Variants in TSHZ1 observed in about 807,000 individuals in gnomAD.
The protein encoded by TSHZ1 is teashirt homolog 1.
Under a neutral mutation model 67.1 loss-of-function variants are expected in TSHZ1, and 12 were observed. That is an observed-to-expected ratio of 0.18 (90% CI 0.11 to 0.29). The LOEUF (loss-of-function observed/expected upper bound fraction) is 0.29, where lower values mean the gene tolerates loss of function less well. TSHZ1 is among the 10% of genes least tolerant of loss of function. The pLI, the probability that TSHZ1 is intolerant of heterozygous loss-of-function variation, is 1.00. For synonymous variants in TSHZ1, 632 were observed against 622.4 expected (o/e 1.02, Z -0.23); for missense variants, 1,305 against 1,413.9 (o/e 0.92, Z 1.23).
intron 1 of TSHZ1, among the ~76,000 whole-genome samples, chr18:75,262,388 T>C (rs1244836878): frequency 6.6e-6 from 1 of 152,072 alleles, no homozygotes; most frequent in African/African-American, 2.4e-5. Context: ...ATATTTTTTC[T>C]TTTATTTATT....
In TSHZ1 at chr18:75,271,839, T is replaced by G. The variant is rs950916203; in HGVS notation, c.41-13609T>G. Among the ~76,000 whole-genome samples the G allele has an allele frequency of 3.3e-5, 5 of 152,170 alleles. No homozygotes were observed. The South Asian group carries it at 1.0e-3, about 32-fold the overall frequency. Reference sequence around the variant, plus strand: ...AATGAGTCCAACTAGCCTGGGAATTTCCACGAAGAAAGAAAGTGAAATGCT... The same window carrying G: ...AATGAGTCCAACTAGCCTGGGAATTGCCACGAAGAAAGAAAGTGAAATGCT... On this transcript the variant is annotated intron_variant, in intron 1 of 1. Transcript: ENST00000580243.
At chr18:75,222,623 C>T (rs1036989716) in intron 1 of TSHZ1, among the ~76,000 whole-genome samples, 5 of 152,060 alleles carry the variant, frequency 3.3e-5, no homozygotes, top group Non-Finnish European at 4.4e-5. Context: ...AGGGGGTTTT[C>T]GTCCTCCTCC....
chr18:75,286,141 A>C lies in TSHZ1; in HGVS notation c.734A>C (p.Lys245Thr). The C allele has an allele frequency of 6.2e-7, 1 of 1,613,424 alleles. No individual in the cohort carries two copies. ...LYGSVFTGAS[K>T]FRCKDCSAAY... ...GGCTCCGTCTTCACGGGCGCCAGCA[A>C]GTTCCGGTGCAAAGACTGCAGTGCC... Residue 245 changes from lysine (K) to threonine (T), a missense_variant, in exon 2 of 2, where the codon AAG becomes ACG. Around this residue, in one of 3 missense-constraint regions of TSHZ1, gnomAD observed 358 missense variants for 375.6 expected, o/e 0.95. Transcript: ENST00000580243. This position sits in a 1 kb window ranked among gnomAD's most constrained non-coding sequence, Gnocchi z 5.1.
In TSHZ1 at chr18:75,281,482, A is replaced by G. The variant is rs992695309; in HGVS notation, c.41-3966A>G. On this transcript the variant is annotated intron_variant, in intron 1 of 1. Coordinates refer to ENST00000580243, the MANE Select transcript of TSHZ1 (RefSeq NM_001308210.2). This position sits in a 1 kb window ranked among gnomAD's most constrained non-coding sequence, Gnocchi z 5.3. ...GTGGCAGAACAGTGGGGCTCCTTCC[A>G]CGGGCCCTACATGGGGCCAGGCCCT... Among the ~76,000 whole-genome samples, 6 of 152,148 alleles carry G rather than the reference A, an allele frequency of 3.9e-5. No homozygotes were observed. The highest frequency in any genetic ancestry group is 1.4e-4 in the African/African-American group (6 of 41,446).
intron 1 of TSHZ1, among the ~76,000 whole-genome samples, chr18:75,265,202 G>T (rs9963264): frequency 0.011 from 1,732 of 152,294 alleles, 17 homozygotes; most frequent in Middle Eastern, 0.054. Context: ...ACTTTTAAGA[G>T]AAATTTGTCT....
At chr18:75,249,357 G>A (rs900947220) in intron 1 of TSHZ1, among the ~76,000 whole-genome samples, 15 of 152,070 alleles carry the variant, frequency 9.9e-5, no homozygotes, top group Admixed American at 3.3e-4. Context: ...GTGGCGGGTG[G>A]GGGCAGCTGG....
intron 1 of TSHZ1, among the ~76,000 whole-genome samples, chr18:75,239,318 A>C (rs2023124176): frequency 6.6e-6 from 1 of 152,228 alleles, no homozygotes; most frequent in African/African-American, 2.4e-5. Flanking sequence ...ATTTTGATTA[A>C]AATCTCAGGG....
chr18:75,283,706 CATT>C (rs766261013), intron 1 of TSHZ1: 4 of 152,298 alleles, frequency 2.6e-5, no homozygotes, highest in South Asian at 2.1e-4. Flanking sequence ...AGTCGTCTCT[CATT>C]GTGTGTGTGT....
In TSHZ1 at chr18:75,285,622, C is replaced by A. The variant is rs1272273907; in HGVS notation, c.215C>A (p.Ala72Asp). The A allele has an allele frequency of 6.2e-7, 1 of 1,613,204 alleles. No homozygotes were observed. Among genetic ancestry groups the A allele is most frequent in the Non-Finnish European group, 8.5e-7 (1 of 1,179,522 alleles). The change falls in exon 2 of 2, where the codon GCC (alanine) becomes GAC (aspartate). Residue 72 changes from alanine to aspartate, a missense_variant. Ala to Asp is a moderately radical substitution (Grantham distance 126). This residue lies in a region of TSHZ1 where 358 missense variants were observed against 375.6 expected (regional missense o/e 0.95). Transcript: ENST00000580243. Reference sequence around the variant, plus strand: ...GTCAGCTCTGCGACTAACCAGGACGCCGGCTACGGGTCGCCCTTCAGTGAG... The same window carrying A: ...GTCAGCTCTGCGACTAACCAGGACGACGGCTACGGGTCGCCCTTCAGTGAG... Reference protein sequence around the residue: ...SPVSSATNQDAGYGSPFSESS... With the variant: ...SPVSSATNQDDGYGSPFSESS...
At chr18:75,217,588 C>T (rs770796618) in intron 1 of TSHZ1, among the ~76,000 whole-genome samples, 20 of 152,160 alleles carry the variant, frequency 1.3e-4, no homozygotes, top group Non-Finnish European at 2.6e-4. Context: ...ACCAGGTTTT[C>T]TTTTTGGAGA....
At chr18:75,232,627 G>A (rs924023393) in intron 1 of TSHZ1, among the ~76,000 whole-genome samples, 62 of 152,140 alleles carry the variant, frequency 4.1e-4, no homozygotes, top group African/African-American at 1.4e-3. Flanking sequence ...CTTTTCAGGC[G>A]CCAGTTCTAT....
chr18:75,261,139 T>C (rs1177639392), intron 1 of TSHZ1, among the ~76,000 whole-genome samples: 2 of 151,720 alleles, frequency 1.3e-5, no homozygotes, highest in African/African-American at 4.8e-5. Context: ...GACCTGAGTG[T>C]TGACAAACAA....
Position 75,287,438 on chromosome 18 carries a change from T to C in TSHZ1, c.2031T>C (p.Asn677=), listed in dbSNP as rs561723412. The change falls in exon 2 of 2, where the codon AAT becomes AAC. Residue 677 remains asparagine (N), a synonymous_variant. Transcript: ENST00000580243. The surrounding 1 kb of genome is among the most constrained non-coding windows in gnomAD (Gnocchi z 5.0). ...CTGCGTCCCCCATAGCAAAAGAGAA[T>C]AAAGATTTCCCGAAAACGGAGGAAG... ...AKAASPIAKE[N]KDFPKTEEVS... 2 of 1,613,944 alleles carry C rather than the reference T, an allele frequency of 1.2e-6. No individual in the cohort carries two copies. Among genetic ancestry groups the C allele is most frequent in the South Asian group, 1.1e-5 (1 of 91,068 alleles).
chr18:75,218,245 A>G (rs186993159), intron 1 of TSHZ1, among the ~76,000 whole-genome samples: 7 of 152,332 alleles, frequency 4.6e-5, no homozygotes, highest in African/African-American at 1.4e-4. Context: ...GACTGCTGCC[A>G]TTATCTTGAC....
intron 1 of TSHZ1, among the ~76,000 whole-genome samples, chr18:75,232,864 A>G (rs1488282098): frequency 2.0e-5 from 3 of 152,248 alleles, no homozygotes; most frequent in Non-Finnish European, 4.4e-5. Context: ...AATAGTCACA[A>G]TACTTGGGTG....
intron 1 of TSHZ1, among the ~76,000 whole-genome samples, chr18:75,235,240 T>C (rs1568355796): frequency 1.3e-5 from 2 of 152,200 alleles, no homozygotes; most frequent in Admixed American, 6.5e-5. Flanking sequence ...TTTAATCCCC[T>C]TGGTTTCCTG....
At chr18:75,218,844 A>G (rs1428867490) in intron 1 of TSHZ1, among the ~76,000 whole-genome samples, 1 of 152,256 alleles carries the variant, frequency 6.6e-6, no homozygotes, top group African/African-American at 2.4e-5. Flanking sequence ...CCCAGACCCT[A>G]CCTGACCACA....
chr18:75,225,868 G>C (rs974515380), intron 1 of TSHZ1, among the ~76,000 whole-genome samples: 9 of 152,284 alleles, frequency 5.9e-5, no homozygotes, highest in Non-Finnish European at 1.0e-4. Context: ...GGAGCCAAAA[G>C]AGAGCCACTT....
intron 1 of TSHZ1, 86 bp downstream of exon 1, chr18:75,212,002 G>A: frequency 1.9e-6 from 2 of 1,043,182 alleles, no homozygotes; most frequent in Non-Finnish European, 2.4e-6. Context: ...TGCGGGACGT[G>A]GGCCGCGGGC....
Sources: allele counts gnomAD v4.1 joint callset (sites outside exome capture counted in the v4.1 genomes callset), GRCh38; gene constraint gnomAD v4.1.1; regional missense constraint gnomAD v4.1.1; non-coding constraint Gnocchi (gnomAD v3.1); transcripts MANE v1.5; gene names NCBI Gene and HGNC (gene_info 2026-07-23, HGNC 2026-07-21).